Variants in SPRED1 observed in about 807,000 individuals in gnomAD.
SPRED1 encodes sprouty-related, EVH1 domain-containing protein 1.
SPRED1 carries 18 observed loss-of-function variants against 52.3 expected under a neutral mutation model. That is an observed-to-expected ratio of 0.34 (90% CI 0.24 to 0.51). SPRED1 has a LOEUF of 0.51. Among genes scored for constraint, SPRED1 ranks in the 20% least tolerant of loss-of-function variants. SPRED1 has a pLI of 0.97. For missense variants in SPRED1, 485 were observed against 551.0 expected (o/e 0.88, Z 1.20); for synonymous variants, 155 against 179.7 (o/e 0.86, Z 1.10).
At chr15:38,318,569 A>C (rs562963558) in intron 2 of SPRED1, among the ~76,000 whole-genome samples, 78 of 152,188 alleles carry the variant, frequency 5.1e-4, no homozygotes, top group African/African-American at 1.9e-3. Context: ...ATAGGTTTTG[A>C]ACTCTTACCT....
rs1352959027 is a variant in SPRED1, at chr15:38,276,228, T to TA, written c.32+23012dup. 4.2e-3 allele frequency among the ~76,000 whole-genome samples: 630 copies of TA among 151,422 alleles called. 2 individuals are homozygous for TA. Among genetic ancestry groups the TA allele is most frequent in the Non-Finnish European group, 6.0e-3 (404 of 67,808 alleles). Reference sequence around the variant, plus strand: ...TGTGAATGTTTTTTTTTTTTTTTTTTACTGTGGCTCTTTTTCCCTAGATAC... The same window carrying TA: ...TGTGAATGTTTTTTTTTTTTTTTTTTAACTGTGGCTCTTTTTCCCTAGATAC... On this transcript the variant is annotated intron_variant, in intron 1 of 6. Transcript: ENST00000299084.
chr15:38,344,775 A>G (rs1229851909), intron 5 of SPRED1, among the ~76,000 whole-genome samples: 2 of 152,168 alleles, frequency 1.3e-5, no homozygotes, highest in Non-Finnish European at 2.9e-5. Context: ...GTTAAATAGA[A>G]CAATAATACT....
chr15:38,297,425 TCCAG>T (rs1566859066), intron 1 of SPRED1, among the ~76,000 whole-genome samples: 1 of 152,202 alleles, frequency 6.6e-6, no homozygotes, highest in Non-Finnish European at 1.5e-5. Flanking sequence ...TGGAGCTTGC[TCCAG>T]CCCATCTCAG....
chr15:38,257,714 T>C (rs938769562), intron 1 of SPRED1, among the ~76,000 whole-genome samples: 1 of 152,214 alleles, frequency 6.6e-6, no homozygotes, highest in Non-Finnish European at 1.5e-5. Context: ...TCCAGCTGTT[T>C]ATCAGTTTTA....
intron 2 of SPRED1, among the ~76,000 whole-genome samples, chr15:38,310,744 A>G (rs1225891248): frequency 3.9e-5 from 6 of 152,172 alleles, no homozygotes; most frequent in Admixed American, 6.5e-5. Flanking sequence ...TGTAAATACT[A>G]TTGTGTTTTT....
chr15:38,274,944 A>G (rs1425093385), intron 1 of SPRED1, among the ~76,000 whole-genome samples: 1 of 152,226 alleles, frequency 6.6e-6, no homozygotes, highest in Non-Finnish European at 1.5e-5. Context: ...TTTGGTTAAG[A>G]AGATGTTTGT....
rs960212334 is a variant in SPRED1 at position 38,253,054 on chromosome 15, C to T, written c.-132C>T. 3.9e-6 allele frequency: 3 copies of T among 766,296 alleles called. No homozygotes were observed. Among genetic ancestry groups the T allele is most frequent in the East Asian group, 2.7e-5 (1 of 37,264 alleles). 47.5% of individuals were successfully genotyped at this position (766,296 alleles called of 1,614,324 possible). A position where few individuals can be genotyped will look rare whatever the true frequency, so the allele number is the denominator to read the frequency against. The stretch of plus-strand genomic sequence containing the variant: ...GGTACCGTTCTGGGTGAGGCATCCA[C>T]CATGGTGAGGCCCCTGTGCCGCTGC... On this transcript the variant is annotated 5_prime_UTR_variant, in exon 1 of 7. Coordinates refer to ENST00000299084, the MANE Select transcript of SPRED1 (RefSeq NM_152594.3).
intron 1 of SPRED1, among the ~76,000 whole-genome samples, chr15:38,297,240 A>G (rs548163719): frequency 1.3e-5 from 2 of 152,364 alleles, no homozygotes; most frequent in South Asian, 4.1e-4. Flanking sequence ...ATTTGAAATT[A>G]CTATTCAAAT....
At chr15:38,316,754 T>G (rs1298479937) in intron 2 of SPRED1, among the ~76,000 whole-genome samples, 4 of 146,524 alleles carry the variant, frequency 2.7e-5, no homozygotes, top group Admixed American at 1.4e-4. Flanking sequence ...ATATGTTTTT[T>G]TTTTTTTTTT....
chr15:38,351,026 T>C lies in SPRED1; in HGVS notation c.697T>C (p.Ser233Pro). The C allele has an allele frequency of 1.2e-6, 2 of 1,613,288 alleles. No individual in the cohort carries two copies. The highest frequency in any genetic ancestry group is 1.7e-6 in the Non-Finnish European group (2 of 1,179,836). Residue 233 changes from serine (S) to proline (P), a missense_variant, in exon 7 of 7, where the codon TCA becomes CCA. Ser to Pro is a moderately conservative substitution (Grantham distance 74). Coordinates refer to ENST00000299084, the MANE Select transcript of SPRED1 (RefSeq NM_152594.3). ...GTTTCTTTTTTAGGTCCCTTTGAAA[T>C]CAATCAGACATGTCAGCTTTCAAGA... ...LKSQNRVPLK[S>P]IRHVSFQDED...
At chr15:38,308,642 G>A (rs951423550) in intron 2 of SPRED1, among the ~76,000 whole-genome samples, 1 of 152,114 alleles carries the variant, frequency 6.6e-6, no homozygotes, top group Non-Finnish European at 1.5e-5. Context: ...CATTCTCCGA[G>A]GGTTGATCCA....
intron 1 of SPRED1, among the ~76,000 whole-genome samples, chr15:38,264,849 A>G (rs951387518): frequency 1.3e-5 from 2 of 152,196 alleles, no homozygotes; most frequent in African/African-American, 4.8e-5. Flanking sequence ...ATAGGATGTC[A>G]TGTAATAATG....
chr15:38,263,621 A>G (rs190534510), intron 1 of SPRED1, among the ~76,000 whole-genome samples: 2 of 152,278 alleles, frequency 1.3e-5, no homozygotes, highest in African/African-American at 4.8e-5. Context: ...GAAAAATTAG[A>G]TTGGTGATTT....
Position 38,351,582 on chromosome 15 carries a change from G to A in SPRED1, c.1253G>A (p.Cys418Tyr). The A allele has an allele frequency of 6.2e-7, 1 of 1,614,088 alleles. No homozygotes were observed. The highest frequency in any genetic ancestry group is 8.5e-7 in the Non-Finnish European group (1 of 1,180,004). Residue 418 changes from cysteine (C) to tyrosine (Y), a missense_variant, in exon 7 of 7, where the codon TGC becomes TAC. By Grantham distance (194) the Cys-to-Tyr change is radical. Coordinates refer to ENST00000299084, the MANE Select transcript of SPRED1 (RefSeq NM_152594.3). ...VALSFIVPCM[C>Y]CYVPLRMCHR... is the part of the protein sequence containing the mutation. Reference sequence around the variant, plus strand: ...TTGTCTTTCATTGTACCATGTATGTGCTGCTACGTCCCTTTGAGAATGTGC... The same window carrying A: ...TTGTCTTTCATTGTACCATGTATGTACTGCTACGTCCCTTTGAGAATGTGC...
chr15:38,325,457 T>TA (rs1477488421), intron 4 of SPRED1, among the ~76,000 whole-genome samples: 1 of 152,042 alleles, frequency 6.6e-6, no homozygotes, highest in African/African-American at 2.4e-5. Flanking sequence ...GGGGTTTTTT[T>TA]TTTCTTTTTT....
At chr15:38,331,918 G>T (rs1337707326) in intron 4 of SPRED1, among the ~76,000 whole-genome samples, 2 of 152,064 alleles carry the variant, frequency 1.3e-5, no homozygotes, top group Non-Finnish European at 2.9e-5. Flanking sequence ...TATGTAAAAA[G>T]AAGTACATTA....
chr15:38,334,193 G>A (rs1895862020), intron 4 of SPRED1, among the ~76,000 whole-genome samples: 1 of 152,106 alleles, frequency 6.6e-6, no homozygotes, highest in Non-Finnish European at 1.5e-5. Context: ...ATATCAGTCA[G>A]TTCAAAAGCA....
intron 4 of SPRED1, among the ~76,000 whole-genome samples, chr15:38,330,375 A>C (rs1327907054): frequency 6.6e-6 from 1 of 152,168 alleles, no homozygotes; most frequent in Non-Finnish European, 1.5e-5. Flanking sequence ...AGACAAATAG[A>C]AAACTAAAAA....
At chr15:38,308,094 A>G (rs1418898821) in intron 2 of SPRED1, among the ~76,000 whole-genome samples, 1 of 152,178 alleles carries the variant, frequency 6.6e-6, no homozygotes, top group African/African-American at 2.4e-5. Context: ...CTTTACCATG[A>G]TAAGGAAGTG....
Sources: allele counts gnomAD v4.1 joint callset (sites outside exome capture counted in the v4.1 genomes callset), GRCh38; gene constraint gnomAD v4.1.1; transcripts MANE v1.5; gene names NCBI Gene and HGNC (gene_info 2026-07-23, HGNC 2026-07-21).